The following STARD13 variants were observed in gnomAD, a reference collection of about 807,000 sequenced individuals.
STARD13 encodes stAR-related lipid transfer protein 13.
Under a neutral mutation model 106.4 loss-of-function variants are expected in STARD13, and 62 were observed. The ratio of observed to expected loss-of-function variants is 0.58; its 90% CI spans 0.48 to 0.72. STARD13 has a LOEUF of 0.72. STARD13 is among the 30% of genes least tolerant of loss of function. The pLI is 0.00. For synonymous variants in STARD13, 565 were observed against 553.0 expected, an observed-to-expected ratio of 1.02 and a Z score of -0.31; for missense variants, 1,387 against 1,424.0, an observed-to-expected ratio of 0.97 and a Z score of 0.42.
At position 33,204,786 on chromosome 13, in the gene STARD13, C is replaced by T. The variant is rs141101784; in HGVS notation, c.170-37164G>A. ...AAGATAAATGATTCCAGACGTTGGC[C>T]TGTGGCCATTTTCCCACACATGCTC... On this transcript the variant is annotated intron_variant, in intron 1 of 13. Transcript: ENST00000336934. Among the ~76,000 whole-genome samples, 27 of 152,366 alleles carry T rather than the reference C, an allele frequency of 1.8e-4. No homozygotes were observed. The East Asian group carries it at 5.0e-3, about 28-fold the overall frequency.
At chr13:33,322,800 T>C (rs897382615) in intron 1 of STARD13, among the ~76,000 whole-genome samples, 1 of 152,232 alleles carries the variant, frequency 6.6e-6, no homozygotes, top group African/African-American at 2.4e-5. Context: ...TCATGCAATC[T>C]AGTTCTCCTT....
At chr13:33,138,853 C>G (rs1194405690) in intron 4 of STARD13, 2 of 479,706 alleles carry the variant, frequency 4.2e-6, no homozygotes, top group South Asian at 3.0e-5. Context: ...TTAAAGGGTC[C>G]CTTTTCTCTT....
chr13:33,479,496 G>A, the STARD13 span, among the ~76,000 whole-genome samples: 2 of 152,208 alleles, frequency 1.3e-5, no homozygotes, highest in Non-Finnish European at 2.9e-5. Flanking sequence ...GGACTGCTTG[G>A]ATAAATTATG....
chr13:33,410,381 G>T, the STARD13 span, among the ~76,000 whole-genome samples: 1 of 152,226 alleles, frequency 6.6e-6, no homozygotes, highest in Non-Finnish European at 1.5e-5. Context: ...TAATAGTATG[G>T]AATGGGGACA....
At chr13:33,305,592 T>C (rs952195594) in intron 1 of STARD13, among the ~76,000 whole-genome samples, 16 of 152,234 alleles carry the variant, frequency 1.1e-4, no homozygotes, top group African/African-American at 3.6e-4. Flanking sequence ...TAATACCCTC[T>C]GTAAGTCTTA....
the STARD13 span, among the ~76,000 whole-genome samples, chr13:33,476,858 G>A: frequency 1.3e-5 from 2 of 152,180 alleles, no homozygotes; most frequent in South Asian, 2.1e-4. Flanking sequence ...ACTGACTCCT[G>A]CTAAATCTTG....
the STARD13 span, among the ~76,000 whole-genome samples, chr13:33,613,755 G>C: frequency 6.6e-6 from 1 of 152,200 alleles, no homozygotes; most frequent in Non-Finnish European, 1.5e-5. Context: ...GAGCCACTCG[G>C]ATAGTGACAA....
intron 1 of STARD13, among the ~76,000 whole-genome samples, chr13:33,236,951 C>T (rs1889219401): frequency 6.6e-6 from 1 of 152,116 alleles, no homozygotes; most frequent in Non-Finnish European, 1.5e-5. Context: ...CCACTGATTC[C>T]TTCCTGAAAT....
At chr13:33,579,260 A>G in the STARD13 span, among the ~76,000 whole-genome samples, 3 of 152,188 alleles carry the variant, frequency 2.0e-5, no homozygotes, top group Non-Finnish European at 4.4e-5. Flanking sequence ...CTAAGTGCCC[A>G]TCAATCAGTG....
chr13:33,131,808 C>T (rs1878332395), intron 4 of STARD13, among the ~76,000 whole-genome samples: 1 of 152,196 alleles, frequency 6.6e-6, no homozygotes, highest in East Asian at 1.9e-4. Context: ...GTCTACTTAC[C>T]CTCTCTAAAG....
chr13:33,487,794 TCAC>T, the STARD13 span, among the ~76,000 whole-genome samples: 12 of 152,296 alleles, frequency 7.9e-5, no homozygotes, highest in Non-Finnish European at 1.6e-4. Flanking sequence ...TCCACAAACT[TCAC>T]CAAGCTTATA....
the STARD13 span, among the ~76,000 whole-genome samples, chr13:33,433,421 A>G: frequency 6.6e-6 from 1 of 152,192 alleles, no homozygotes; most frequent in African/African-American, 2.4e-5. Context: ...TCTCTATTAC[A>G]TTGGGTTCCA....
the STARD13 span, among the ~76,000 whole-genome samples, chr13:33,547,716 T>C: frequency 6.6e-6 from 1 of 152,232 alleles, no homozygotes; most frequent in African/African-American, 2.4e-5. Flanking sequence ...ATTTTAAGAC[T>C]ATATCACAGT....
chr13:33,398,168 T>A, the STARD13 span, among the ~76,000 whole-genome samples: 3 of 152,212 alleles, frequency 2.0e-5, no homozygotes, highest in African/African-American at 7.2e-5. Flanking sequence ...TGGTTTTTGC[T>A]AACTCTCCTT....
chr13:33,149,309 C>A (rs1198873233), intron 3 of STARD13, among the ~76,000 whole-genome samples: 1 of 152,056 alleles, frequency 6.6e-6, no homozygotes, highest in Admixed American at 6.6e-5. Context: ...TGGGAACAGG[C>A]TATATATGAA....
the STARD13 span, among the ~76,000 whole-genome samples, chr13:33,668,173 T>C: frequency 6.6e-6 from 1 of 152,234 alleles, no homozygotes; most frequent in Non-Finnish European, 1.5e-5. Context: ...CTGTTCTAAA[T>C]TTAATTCGGC....
chr13:33,640,146 G>A, the STARD13 span, among the ~76,000 whole-genome samples: 27 of 152,114 alleles, frequency 1.8e-4, no homozygotes, highest in Non-Finnish European at 4.0e-4. Flanking sequence ...GGCCCACAAG[G>A]GTGTCAGTGA....
chr13:33,351,255 G>GAGAAAGC (rs2078076440), upstream of STARD13, among the ~76,000 whole-genome samples: 1 of 152,130 alleles, frequency 6.6e-6, no homozygotes, highest in Non-Finnish European at 1.5e-5. Flanking sequence ...ACCTAAAATA[G>GAGAAAGC]ATTTACATAC....
At chr13:33,426,747 A>C in the STARD13 span, among the ~76,000 whole-genome samples, 1 of 152,052 alleles carries the variant, frequency 6.6e-6, no homozygotes. Flanking sequence ...GAGTGTACTT[A>C]TTTGTTTTAA....
Sources: gnomAD v4.1 joint callset for allele counts (sites outside exome capture counted in the v4.1 genomes callset) on GRCh38, gnomAD v4.1.1 for gene constraint, MANE v1.5 for transcripts, NCBI Gene and HGNC (gene_info 2026-07-23, HGNC 2026-07-21) for gene names.